The following CDH13 variants were observed in gnomAD, a reference collection of about 807,000 sequenced individuals.
The protein encoded by CDH13 is cadherin-13.
A neutral mutation model predicts 63.8 loss-of-function variants in CDH13; 24 were observed. The ratio of observed to expected loss-of-function variants is 0.38; its 90% CI spans 0.27 to 0.53. The LOEUF (loss-of-function observed/expected upper bound fraction) is 0.53. Ranked by LOEUF, CDH13 falls within the 20% of genes least tolerant of loss-of-function variation. The pLI, the probability that CDH13 is intolerant of heterozygous loss-of-function variation, is 0.85. For synonymous variants in CDH13, 503 were observed against 355.3 expected (o/e 1.42, Z -4.67); for missense variants, 1,049 against 903.1 (o/e 1.16, Z -2.07).
At chr16:83,084,782 G>A (rs1200896942) in intron 3 of CDH13, among the ~76,000 whole-genome samples, 1 of 152,192 alleles carries the variant, frequency 6.6e-6, no homozygotes, top group African/African-American at 2.4e-5. Flanking sequence ...CAGCTACTCA[G>A]GAGGCTGAGG....
At chr16:83,508,412 T>A (rs1347010030) in intron 7 of CDH13, 2 of 154,042 alleles carry the variant, frequency 1.3e-5, no homozygotes, top group East Asian at 1.9e-4. Context: ...GAGCAGTGAC[T>A]GTTGATGGCT....
At chr16:82,877,930 C>CAT (rs1466932762) in intron 2 of CDH13, among the ~76,000 whole-genome samples, 1 of 131,740 alleles carries the variant, frequency 7.6e-6, no homozygotes, top group Non-Finnish European at 1.6e-5. Context: ...CATAGACACA[C>CAT]ACACACACAC....
chr16:83,258,456 G>A (rs2151833015), intron 5 of CDH13, among the ~76,000 whole-genome samples: 1 of 152,284 alleles, frequency 6.6e-6, no homozygotes, highest in South Asian at 2.1e-4. Flanking sequence ...AAAAAGATAT[G>A]CCAGTAAAAC....
intron 6 of CDH13, among the ~76,000 whole-genome samples, chr16:83,446,186 C>T (rs1301237261): frequency 6.6e-6 from 1 of 151,594 alleles, no homozygotes; most frequent in Non-Finnish European, 1.5e-5. Context: ...GCCTGTAATC[C>T]CAGCTATTTA....
intron 1 of CDH13, among the ~76,000 whole-genome samples, chr16:82,636,923 A>T (rs1908726528): frequency 6.6e-6 from 1 of 152,136 alleles, no homozygotes. Flanking sequence ...CACACCATGG[A>T]CCTGGATCCT....
chr16:83,344,122 G>T (rs888533859), intron 5 of CDH13, among the ~76,000 whole-genome samples: 2 of 152,312 alleles, frequency 1.3e-5, no homozygotes, highest in African/African-American at 2.4e-5. Flanking sequence ...TACTCTTATC[G>T]CTGAGTTAAA....
intron 2 of CDH13, among the ~76,000 whole-genome samples, chr16:82,955,324 T>C (rs1166118613): frequency 2.6e-5 from 4 of 152,236 alleles, no homozygotes; most frequent in Non-Finnish European, 5.9e-5. Context: ...ATTTCCAGAA[T>C]TCCTAAAACA....
intron 2 of CDH13, among the ~76,000 whole-genome samples, chr16:82,906,803 C>T (rs80319165): frequency 0.015 from 2,249 of 152,262 alleles, 49 homozygotes; most frequent in African/African-American, 0.05. Context: ...CAGTCCTTGG[C>T]ATTCCCTGCA....
At chr16:82,910,667 C>T (rs149803114) in intron 2 of CDH13, among the ~76,000 whole-genome samples, 11 of 152,286 alleles carry the variant, frequency 7.2e-5, no homozygotes, top group African/African-American at 1.7e-4. Context: ...ACTAAACAGG[C>T]CGCACAGGTG....
At chr16:83,067,944 C>T (rs145382609) in intron 3 of CDH13, among the ~76,000 whole-genome samples, 1 of 152,250 alleles carries the variant, frequency 6.6e-6, no homozygotes, top group Non-Finnish European at 1.5e-5. Context: ...TATCCCTGGC[C>T]TGGGCTTAAG....
chr16:83,207,700 T>C (rs2039223657), intron 4 of CDH13, among the ~76,000 whole-genome samples: 1 of 149,934 alleles, frequency 6.7e-6, no homozygotes. Context: ...CACATTAGTA[T>C]ATAATTATTT....
At chr16:83,153,418 T>C (rs1257037392) in intron 4 of CDH13, among the ~76,000 whole-genome samples, 1 of 152,130 alleles carries the variant, frequency 6.6e-6, no homozygotes, top group African/African-American at 2.4e-5. Flanking sequence ...TCTTACAGCC[T>C]CCAGCTGCAT....
chr16:82,827,584 T>G (rs575093604), intron 1 of CDH13, among the ~76,000 whole-genome samples: 2 of 152,152 alleles, frequency 1.3e-5, no homozygotes, highest in Non-Finnish European at 2.9e-5. Flanking sequence ...TAGACAAAGC[T>G]AGGCTAACTT....
intron 1 of CDH13, among the ~76,000 whole-genome samples, chr16:82,777,850 G>A (rs2035569696): frequency 6.6e-6 from 1 of 152,148 alleles, no homozygotes; most frequent in Non-Finnish European, 1.5e-5. Flanking sequence ...TTGGATGGAA[G>A]AACCCTTTAA....
At chr16:82,905,046 C>T (rs2041596340) in intron 2 of CDH13, among the ~76,000 whole-genome samples, 1 of 152,128 alleles carries the variant, frequency 6.6e-6, no homozygotes, top group Non-Finnish European at 1.5e-5. Context: ...GGACTCTTCC[C>T]TAGAAGCATC....
chr16:82,846,549 C>G (rs546096348), intron 1 of CDH13, among the ~76,000 whole-genome samples: 5 of 152,070 alleles, frequency 3.3e-5, no homozygotes, highest in Non-Finnish European at 1.5e-5. Flanking sequence ...GTAACTTGCT[C>G]AGGGTCACAT....
At chr16:83,282,480 G>C (rs1385187766) in intron 5 of CDH13, among the ~76,000 whole-genome samples, 1 of 152,122 alleles carries the variant, frequency 6.6e-6, no homozygotes, top group Non-Finnish European at 1.5e-5. Flanking sequence ...ACCAGAGAGG[G>C]CTAGTAAGCA....
At chr16:83,430,415 G>A (rs2072061744) in intron 6 of CDH13, among the ~76,000 whole-genome samples, 1 of 152,152 alleles carries the variant, frequency 6.6e-6, no homozygotes, top group Admixed American at 6.5e-5. Flanking sequence ...TGATTTCTTG[G>A]CAAACAACCT....
chr16:83,005,725 A>G (rs1913422427), intron 2 of CDH13, among the ~76,000 whole-genome samples: 1 of 152,232 alleles, frequency 6.6e-6, no homozygotes, highest in Non-Finnish European at 1.5e-5. Context: ...GACTCCAACA[A>G]GAGAGCTAGG....
Sources: allele counts gnomAD v4.1 joint callset (sites outside exome capture counted in the v4.1 genomes callset), GRCh38; gene constraint gnomAD v4.1.1; transcripts MANE v1.5; gene names NCBI Gene and HGNC (gene_info 2026-07-23, HGNC 2026-07-21).